Variants in STPG2 observed in about 807,000 individuals in gnomAD.
STPG2 encodes sperm tail PG-rich repeat containing 2, also known as sperm-tail PG-rich repeat-containing protein 2.
STPG2 carries 56 observed loss-of-function variants against 54.2 expected under a neutral mutation model. That is an observed-to-expected ratio of 1.03 (90% CI 0.83 to 1.29). The LOEUF (loss-of-function observed/expected upper bound fraction) is 1.29, where lower values mean the gene tolerates loss of function less well. Among genes scored for constraint, STPG2 ranks in the 50% most tolerant of loss-of-function variants. STPG2 has a pLI of 0.00. For synonymous variants in STPG2, 200 were observed against 181.8 expected (o/e 1.10, Z -0.81); for missense variants, 596 against 544.9 (o/e 1.09, Z -0.93).
At chr4:97,454,805 A>G (rs1393604523) in intron 4 of STPG2, among the ~76,000 whole-genome samples, 4 of 152,148 alleles carry the variant, frequency 2.6e-5, no homozygotes, top group African/African-American at 7.2e-5. Context: ...GTTGTTTTAT[A>G]TAATAAGAAA....
intron 4 of STPG2, among the ~76,000 whole-genome samples, chr4:97,460,336 G>T (rs1729631958): frequency 6.6e-6 from 1 of 151,590 alleles, no homozygotes. Flanking sequence ...TTTTGCTTTG[G>T]TTCTTATCTA....
chr4:97,738,281 G>T (rs1725090589), intron 9 of STPG2, among the ~76,000 whole-genome samples: 2 of 152,082 alleles, frequency 1.3e-5, no homozygotes, highest in African/African-American at 4.8e-5. Context: ...AGACCATCGA[G>T]GCTAGGAAGA....
At chr4:97,575,422 C>A (rs1732699440) in intron 10 of STPG2, among the ~76,000 whole-genome samples, 1 of 152,060 alleles carries the variant, frequency 6.6e-6, no homozygotes, top group Non-Finnish European at 1.5e-5. Flanking sequence ...GTTAATTCAC[C>A]AAAGTCGAGT....
At chr4:98,090,165 G>T (rs1038902014) in intron 5 of STPG2, among the ~76,000 whole-genome samples, 2 of 151,966 alleles carry the variant, frequency 1.3e-5, no homozygotes, top group Non-Finnish European at 2.9e-5. Flanking sequence ...TTATTTCCTA[G>T]AATTTTTATG....
intron 7 of STPG2, among the ~76,000 whole-genome samples, chr4:97,946,063 AAAT>A (rs1310174772): frequency 6.6e-6 from 1 of 152,046 alleles, no homozygotes; most frequent in Non-Finnish European, 1.5e-5. Flanking sequence ...TGTCTCAAAA[AAAT>A]AATAATAGAA....
At chr4:97,645,376 G>A (rs1479673320) in intron 10 of STPG2, among the ~76,000 whole-genome samples, 2 of 151,718 alleles carry the variant, frequency 1.3e-5, no homozygotes, top group Non-Finnish European at 2.9e-5. Flanking sequence ...CTCAGATAAA[G>A]GACGTGAAGC....
intron 10 of STPG2, among the ~76,000 whole-genome samples, chr4:97,623,425 A>G (rs1734062412): frequency 6.6e-6 from 1 of 152,124 alleles, no homozygotes; most frequent in Admixed American, 6.5e-5. Flanking sequence ...CAGAAAAAAA[A>G]TTAAAAAGTG....
At chr4:97,795,486 G>C (rs1345277144) in intron 9 of STPG2, among the ~76,000 whole-genome samples, 1 of 152,126 alleles carries the variant, frequency 6.6e-6, no homozygotes, top group Non-Finnish European at 1.5e-5. Context: ...TGAGAATGAT[G>C]GTTTCCAGCT....
At chr4:97,681,027 C>T (rs76631824) in intron 10 of STPG2, among the ~76,000 whole-genome samples, 2,647 of 151,538 alleles carry the variant, frequency 0.017, 68 homozygotes, top group African/African-American at 0.059. Flanking sequence ...GATTTTATTC[C>T]GGCACATATT....
At chr4:98,044,129 T>A (rs1737044746) in intron 5 of STPG2, among the ~76,000 whole-genome samples, 1 of 152,188 alleles carries the variant, frequency 6.6e-6, no homozygotes, top group African/African-American at 2.4e-5. Flanking sequence ...ATTTTACATA[T>A]ATTTGTTATG....
intron 8 of STPG2, among the ~76,000 whole-genome samples, chr4:97,890,226 A>T (rs1730716362): frequency 6.6e-6 from 1 of 152,104 alleles, no homozygotes; most frequent in Non-Finnish European, 1.5e-5. Flanking sequence ...CCATAACAAG[A>T]TCACTAGGAG....
chr4:97,981,458 A>C, intron 5 of STPG2, 140 bp from the exon 6 acceptor site: 1 of 839,030 alleles, frequency 1.2e-6, no homozygotes, highest in South Asian at 1.8e-5. Context: ...TAGATGAACT[A>C]AGATCTTGTA....
At chr4:97,583,748 A>G (rs1732923405) in intron 10 of STPG2, among the ~76,000 whole-genome samples, 1 of 152,004 alleles carries the variant, frequency 6.6e-6, no homozygotes, top group South Asian at 2.1e-4. Flanking sequence ...GATTAAACAG[A>G]CATTAAAGCA....
intron 4 of STPG2, among the ~76,000 whole-genome samples, chr4:97,500,067 A>C (rs1730691903): frequency 6.6e-6 from 1 of 152,078 alleles, no homozygotes. Context: ...TCTCAAAAAA[A>C]GGCAATAGGA....
At chr4:98,120,403 T>C (rs1433383545) in intron 3 of STPG2, among the ~76,000 whole-genome samples, 1 of 152,138 alleles carries the variant, frequency 6.6e-6, no homozygotes, top group Admixed American at 6.6e-5. Context: ...AATAGAGTGA[T>C]TTATATTCCT....
In STPG2 at chr4:97,940,860, G is replaced by T. The variant is rs553219897; in HGVS notation, c.1044+3037C>A. 2.1e-5 allele frequency among the ~76,000 whole-genome samples: 3 copies of T among 139,678 alleles called. No individual in the cohort carries two copies. In the East Asian group the frequency reaches 6.3e-4, roughly 29 times the overall value. The allele number at this position is 139,678 out of a possible 152,430, so 91.6% of individuals were successfully genotyped here. ...GAATATGTCATACATGAGCTAAAATGACTTCTTCATTAATTATTTTCACTT... is the reference window on the plus strand; with the variant it reads ...GAATATGTCATACATGAGCTAAAATTACTTCTTCATTAATTATTTTCACTT... On this transcript the variant is annotated intron_variant, in intron 8 of 10. Transcript: ENST00000295268.
chr4:97,714,537 T>C (rs1724230028), intron 9 of STPG2, among the ~76,000 whole-genome samples: 2 of 152,184 alleles, frequency 1.3e-5, no homozygotes, highest in African/African-American at 4.8e-5. Context: ...CTAATGTGTT[T>C]TGATATACCA....
chr4:97,555,824 T>G (rs1471178813), downstream of STPG2, among the ~76,000 whole-genome samples: 1 of 151,996 alleles, frequency 6.6e-6, no homozygotes, highest in Non-Finnish European at 1.5e-5. Flanking sequence ...ACAATAGAAA[T>G]CTCATCTTTA....
intron 5 of STPG2, among the ~76,000 whole-genome samples, chr4:98,032,446 A>G (rs376023337): frequency 6.6e-6 from 1 of 152,106 alleles, no homozygotes. Context: ...GATACCATCT[A>G]ACACAAGTCA....
Sources: allele counts gnomAD v4.1 joint callset (sites outside exome capture counted in the v4.1 genomes callset), GRCh38; gene constraint gnomAD v4.1.1; transcripts MANE v1.5; gene names NCBI Gene and HGNC (gene_info 2026-07-23, HGNC 2026-07-21).